TGM3: variants seen among roughly 807,000 people sequenced by gnomAD.
TGM3 encodes transglutaminase 3.
A neutral mutation model predicts 73.8 loss-of-function variants in TGM3; 52 were observed. The ratio of observed to expected loss-of-function variants is 0.70; its 90% CI spans 0.56 to 0.89. The LOEUF is 0.89. TGM3 is among the 40% of genes least tolerant of loss of function. The pLI is 0.00. For synonymous variants in TGM3, 372 were observed against 354.9 expected (o/e 1.05, Z -0.54); for missense variants, 928 against 909.9 (o/e 1.02, Z -0.26).
Position 2,317,422 on chromosome 20 carries a change from T to G in TGM3, c.920T>G (p.Leu307Arg). ...TCAGCTCATGACACAGACCGAAATCTCAGTGTGGATGTGTACTACGACCCC... is the reference window on the plus strand; with the variant it reads ...TCAGCTCATGACACAGACCGAAATCGCAGTGTGGATGTGTACTACGACCCC... ...FNSAHDTDRNLSVDVYYDPMG... is the reference protein window; with the variant it reads ...FNSAHDTDRNRSVDVYYDPMG... Residue 307 changes from leucine to arginine, a missense_variant, in exon 7 of 13, where the codon CTC becomes CGC. Transcript: ENST00000381458. 1.2e-6 allele frequency: 2 copies of G among 1,614,158 alleles called. No homozygotes were observed. The highest frequency in any genetic ancestry group is 1.7e-6 in the Non-Finnish European group (2 of 1,180,022).
chr20:2,298,925 T>A (rs1371702905), intron 1 of TGM3, among the ~76,000 whole-genome samples: 2 of 152,114 alleles, frequency 1.3e-5, no homozygotes, highest in African/African-American at 2.4e-5. Flanking sequence ...CTCCATGGCC[T>A]TCTTCCACCT....
rs1249186757 is a variant in TGM3, at chr20:2,334,900, C to T, written c.1643-216C>T. 6.6e-6 allele frequency among the ~76,000 whole-genome samples: 1 copy of T among 152,214 alleles called. No individual in the cohort carries two copies. Among genetic ancestry groups the T allele is most frequent in the Non-Finnish European group, 1.5e-5 (1 of 68,036 alleles). ...CCATCCTCCTGGGAATCTGCCCAGC[C>T]AGAGAGAGTCCTGGGGCCTCTTTGC... On this transcript the variant is annotated intron_variant, in intron 10 of 12. Transcript: ENST00000381458. This position sits in a 1 kb window ranked among gnomAD's most constrained non-coding sequence, Gnocchi z 4.0.
intron 9 of TGM3, among the ~76,000 whole-genome samples, chr20:2,331,097 G>T (rs2084318757): frequency 6.6e-6 from 1 of 151,956 alleles, no homozygotes; most frequent in Non-Finnish European, 1.5e-5. Flanking sequence ...GGTTGTTGGG[G>T]AAGGTGGGAG....
Position 2,328,422 on chromosome 20 carries a change from T to C in TGM3, c.1333+57T>C. 1.9e-6 allele frequency: 3 copies of C among 1,601,868 alleles called. No individual in the cohort carries two copies. The highest frequency in any genetic ancestry group is 1.7e-6 in the Non-Finnish European group (2 of 1,172,820). ...AGAGGTTCTATTGTGGGAGGATGGC[T>C]CTGAGGCTGGAGAGGAGAAAAGTCC... On this transcript the variant is annotated intron_variant, in intron 9 of 12. Coordinates refer to ENST00000381458, the MANE Select transcript of TGM3 (RefSeq NM_003245.4). The surrounding 1 kb of genome is among the most constrained non-coding windows in gnomAD (Gnocchi z 5.2).
intron 7 of TGM3, among the ~76,000 whole-genome samples, chr20:2,317,938 T>TATC (rs11480073): frequency 0.013 from 1,857 of 140,876 alleles, 20 homozygotes; most frequent in East Asian, 0.039. Context: ...TATATATATA[T>TATC]ATATCATATA....
At chr20:2,307,635 T>A (rs1175808649) in intron 1 of TGM3, among the ~76,000 whole-genome samples, 1 of 152,168 alleles carries the variant, frequency 6.6e-6, no homozygotes, top group African/African-American at 2.4e-5. Flanking sequence ...TGATCACTTA[T>A]GCTTGTCTTA....
chr20:2,317,582 C>A, intron 7 of TGM3, 97 bp downstream of exon 7: 1 of 1,521,036 alleles, frequency 6.6e-7, no homozygotes, highest in Non-Finnish European at 9.0e-7. Flanking sequence ...ACAGGTGTTG[C>A]AAGGCAAGTA....
chr20:2,328,073 A>AG lies in TGM3; in HGVS notation c.1088-45dup, dbSNP rs753677477. The AG allele has an allele frequency of 9.3e-6, 15 of 1,611,116 alleles. No homozygotes were observed. The Admixed American group carries it at 2.5e-4, about 27-fold the overall frequency. ...GGCCCTGGGGAATCGGGCACTGGGT[A>AG]GGTTGTGGCCTTGGCATATATCCAG... On this transcript the variant is annotated intron_variant, in intron 8 of 12. Transcript: ENST00000381458. This position sits in a 1 kb window ranked among gnomAD's most constrained non-coding sequence, Gnocchi z 5.2.
intron 11 of TGM3, among the ~76,000 whole-genome samples, chr20:2,336,364 C>T (rs1332143777): frequency 6.6e-5 from 10 of 152,160 alleles, no homozygotes; most frequent in Non-Finnish European, 1.3e-4. Flanking sequence ...GGGCCAGGCC[C>T]TGCCCTCTCT....
Position 2,335,115 on chromosome 20 carries a change from G to C in TGM3, c.1643-1G>C, listed in dbSNP as rs776562272. On this transcript the variant is annotated splice_acceptor_variant, in intron 10 of 12. Transcript: ENST00000381458. LOFTEE classifies it high-confidence loss of function. ...TCGGATCCCCTGGCTTCTCCTTCCAGAGGCAGAACATCCCATAAAGATCTC... is the reference window on the plus strand; with the variant it reads ...TCGGATCCCCTGGCTTCTCCTTCCACAGGCAGAACATCCCATAAAGATCTC... 1.9e-6 allele frequency: 3 copies of C among 1,614,204 alleles called. No individual in the cohort carries two copies. In the South Asian group the frequency reaches 3.3e-5, roughly 18 times the overall value.
chr20:2,335,666 A>G (rs2084346324), intron 11 of TGM3, among the ~76,000 whole-genome samples: 1 of 152,116 alleles, frequency 6.6e-6, no homozygotes, highest in Non-Finnish European at 1.5e-5. Context: ...GTTCTGGGCC[A>G]TGCCAGGCTT....
chr20:2,310,526 G>A, intron 3 of TGM3, 109 bp downstream of exon 3: 2 of 1,520,684 alleles, frequency 1.3e-6, no homozygotes, highest in Non-Finnish European at 1.8e-6. Context: ...AAAGTCCATG[G>A]GCTGTGGAAA....
At chr20:2,296,563 TTACTTA>T (rs1467928897) in intron 1 of TGM3, among the ~76,000 whole-genome samples, 1 of 152,108 alleles carries the variant, frequency 6.6e-6, no homozygotes, top group Non-Finnish European at 1.5e-5. Context: ...TCAAATCAAC[TTACTTA>T]GGAGCATTAG....
intron 5 of TGM3, 25 bp from the exon 6 acceptor site, chr20:2,317,042 AT>A (rs2084237060): frequency 1.2e-6 from 2 of 1,611,164 alleles, no homozygotes; most frequent in African/African-American, 2.7e-5. Context: ...GTGCTGACTC[AT>A]TTTGGGGGGG....
At chr20:2,300,431 A>G (rs2084138988) in intron 1 of TGM3, among the ~76,000 whole-genome samples, 2 of 152,270 alleles carry the variant, frequency 1.3e-5, no homozygotes, top group South Asian at 4.1e-4. Flanking sequence ...CTCTCTTAGG[A>G]AGAGAAGTCC....
At chr20:2,311,163 C>A (rs765077925) in intron 4 of TGM3, 34 bp downstream of exon 4, 13 of 1,555,328 alleles carry the variant, frequency 8.4e-6, no homozygotes, top group South Asian at 3.3e-5. Context: ...AGGGTAATGT[C>A]CCTGTTACCC....
rs2084328433 is a variant in TGM3, at chr20:2,332,764, G to A, written c.1642+454G>A. ...TTGGTCCTAGGTTTCCTGATACTGA[G>A]TCCAGAGCCACCCCCTGTTTTCTAT... On this transcript the variant is annotated intron_variant, in intron 10 of 12. Transcript: ENST00000381458. This position sits in a 1 kb window ranked among gnomAD's most constrained non-coding sequence, Gnocchi z 4.4. Among the ~76,000 whole-genome samples, 1 of 152,150 alleles carries A rather than the reference G, an allele frequency of 6.6e-6. No homozygotes were observed. The highest frequency in any genetic ancestry group is 6.5e-5 in the Admixed American group (1 of 15,276).
intron 1 of TGM3, among the ~76,000 whole-genome samples, chr20:2,301,030 C>T (rs919717241): frequency 1.3e-5 from 2 of 152,022 alleles, no homozygotes; most frequent in Non-Finnish European, 2.9e-5. Context: ...GGCCTCTCAC[C>T]GGTTCAGGCA....
chr20:2,336,623 C>T (rs1231542715), intron 11 of TGM3, among the ~76,000 whole-genome samples: 1 of 150,726 alleles, frequency 6.6e-6, no homozygotes, highest in African/African-American at 2.5e-5. Flanking sequence ...CCTGCAATTG[C>T]ACCCTTTTAC....
Sources: allele counts gnomAD v4.1 joint callset (sites outside exome capture counted in the v4.1 genomes callset), GRCh38; gene constraint gnomAD v4.1.1; non-coding constraint Gnocchi (gnomAD v3.1); transcripts MANE v1.5; gene names NCBI Gene and HGNC (gene_info 2026-07-23, HGNC 2026-07-21).